Variants in UBAC2 observed in about 807,000 individuals in gnomAD.
UBAC2 encodes UBA domain containing 2, also known as ubiquitin-associated domain-containing protein 2.
In UBAC2, 26 loss-of-function variants were observed where a neutral mutation model predicts 44.0. The observed-to-expected ratio is 0.59, with a 90% CI of 0.43 to 0.82. The LOEUF is 0.82. Among genes scored for constraint, UBAC2 ranks in the 40% least tolerant of loss-of-function variants. UBAC2 has a pLI of 0.00. For missense variants in UBAC2, 329 were observed against 419.4 expected, an observed-to-expected ratio of 0.78 and a Z score of 1.88; for synonymous variants, 155 against 154.3, an observed-to-expected ratio of 1.00 and a Z score of -0.04.
At position 99,357,104 on chromosome 13, in the gene UBAC2, A is replaced by G. The variant is rs540781781; in HGVS notation, c.808-10683A>G. On this transcript the variant is annotated intron_variant, in intron 7 of 8. Coordinates refer to ENST00000403766, the MANE Select transcript of UBAC2 (RefSeq NM_001144072.2). ...AGTGGTCTCATAAGATTATGATGCC[A>G]TATTTTTGCTATGTCTTTTCTATGT... 5.3e-5 allele frequency among the ~76,000 whole-genome samples: 8 copies of G among 152,352 alleles called. No individual in the cohort carries two copies. The East Asian group carries it at 9.6e-4, about 18-fold the overall frequency.
At chr13:99,301,913 T>G (rs1433393427) in intron 4 of UBAC2, among the ~76,000 whole-genome samples, 1 of 152,240 alleles carries the variant, frequency 6.6e-6, no homozygotes, top group Non-Finnish European at 1.5e-5. Flanking sequence ...TAATATTTAT[T>G]TATTTTAATA....
intron 8 of UBAC2, chr13:99,377,123 C>T (rs1181171889): frequency 2.0e-5 from 3 of 152,356 alleles, no homozygotes. Context: ...TTGATCTTCA[C>T]ATTCAGCCTT....
intron 6 of UBAC2, among the ~76,000 whole-genome samples, chr13:99,321,363 T>C (rs1302629229): frequency 1.3e-5 from 2 of 152,154 alleles, no homozygotes; most frequent in Non-Finnish European, 2.9e-5. Flanking sequence ...GGCTGGAGTG[T>C]AGTGGCATGA....
At chr13:99,348,549 T>C (rs2045028518) in intron 7 of UBAC2, among the ~76,000 whole-genome samples, 1 of 152,176 alleles carries the variant, frequency 6.6e-6, no homozygotes, top group South Asian at 2.1e-4. Context: ...ATGAAAGACA[T>C]GGTTGGGAAG....
chr13:99,306,260 G>A (rs955012464), intron 4 of UBAC2, among the ~76,000 whole-genome samples: 3 of 152,162 alleles, frequency 2.0e-5, no homozygotes, highest in South Asian at 2.1e-4. Context: ...TGGTACGTCA[G>A]TGGCCAGAGA....
intron 2 of UBAC2, among the ~76,000 whole-genome samples, chr13:99,241,301 C>G (rs2043297487): frequency 6.7e-6 from 1 of 149,974 alleles, no homozygotes; most frequent in African/African-American, 2.5e-5. Flanking sequence ...GTTACTATTA[C>G]CAATGTTCGC....
In UBAC2 at chr13:99,295,322, G is replaced by C. The variant is rs1409104300; in HGVS notation, c.390-18775G>C. Reference sequence around the variant, plus strand: ...TCTTTGGCTACATTCCAGGAAATTAGAGAAACGAAGCTTCTTAATCATATG... The same window carrying C: ...TCTTTGGCTACATTCCAGGAAATTACAGAAACGAAGCTTCTTAATCATATG... On this transcript the variant is annotated intron_variant, in intron 4 of 8. Transcript: ENST00000403766. This position sits in a 1 kb window ranked among gnomAD's most constrained non-coding sequence, Gnocchi z 4.1. The C allele has an allele frequency of 1.2e-6, 2 of 1,614,098 alleles. No individual in the cohort carries two copies. Among genetic ancestry groups the C allele is most frequent in the South Asian group, 1.1e-5 (1 of 91,064 alleles).
chr13:99,231,964 T>G (rs557002651), intron 1 of UBAC2, among the ~76,000 whole-genome samples: 78 of 152,308 alleles, frequency 5.1e-4, no homozygotes, highest in African/African-American at 5.3e-4. Flanking sequence ...AGAGCTGGTG[T>G]TGTTTTACCA....
chr13:99,360,193 G>C (rs989768473), intron 7 of UBAC2, among the ~76,000 whole-genome samples: 1 of 152,168 alleles, frequency 6.6e-6, no homozygotes, highest in Admixed American at 6.5e-5. Context: ...AATATGTTCA[G>C]GTCTTCCATC....
At chr13:99,306,183 ACCACACCCAGCCTGATTCAG>A (rs2044331710) in intron 4 of UBAC2, among the ~76,000 whole-genome samples, 1 of 152,166 alleles carries the variant, frequency 6.6e-6, no homozygotes. Flanking sequence ...GGAGTGAGCC[ACCACACCCAGCCTGATTCAG>A]GGTCTTTATG....
intron 4 of UBAC2, among the ~76,000 whole-genome samples, chr13:99,257,531 T>C (rs755448856): frequency 3.3e-5 from 5 of 151,812 alleles, no homozygotes; most frequent in Non-Finnish European, 5.9e-5. Context: ...CCAATACTTA[T>C]ATTCATTTGC....
intron 1 of UBAC2, among the ~76,000 whole-genome samples, chr13:99,223,368 C>T (rs368723592): frequency 6.6e-6 from 1 of 151,852 alleles, no homozygotes; most frequent in Non-Finnish European, 1.5e-5. Flanking sequence ...CTCTTTTTGT[C>T]CTGATCATTT....
At chr13:99,206,756 C>T (rs2042877015) in intron 1 of UBAC2, among the ~76,000 whole-genome samples, 1 of 152,194 alleles carries the variant, frequency 6.6e-6, no homozygotes, top group Admixed American at 6.5e-5. Flanking sequence ...TTCTGGGATT[C>T]AGTCATCTCC....
At chr13:99,250,050 A>G (rs1382321199) in intron 4 of UBAC2, among the ~76,000 whole-genome samples, 1 of 152,132 alleles carries the variant, frequency 6.6e-6, no homozygotes, top group Non-Finnish European at 1.5e-5. Flanking sequence ...GCTGTGCAGA[A>G]GCTCTTTAGT....
At chr13:99,356,538 A>C (rs1466657752) in intron 7 of UBAC2, among the ~76,000 whole-genome samples, 1 of 152,258 alleles carries the variant, frequency 6.6e-6, no homozygotes, top group African/African-American at 2.4e-5. Flanking sequence ...AACACTGGTC[A>C]CTGTGAGAAA....
At chr13:99,379,680 C>T (rs2045525171) in intron 8 of UBAC2, among the ~76,000 whole-genome samples, 1 of 152,178 alleles carries the variant, frequency 6.6e-6, no homozygotes, top group Non-Finnish European at 1.5e-5. Context: ...TCACTTTTAG[C>T]ACAGAACTTC....
At chr13:99,249,036 AC>A (rs2043424755) in intron 4 of UBAC2, among the ~76,000 whole-genome samples, 1 of 152,010 alleles carries the variant, frequency 6.6e-6, no homozygotes, top group Admixed American at 6.6e-5. Flanking sequence ...TGAAATTTCA[AC>A]TTTCAGATTC....
intron 1 of UBAC2, among the ~76,000 whole-genome samples, chr13:99,237,575 C>T (rs943104368): frequency 6.6e-6 from 1 of 152,106 alleles, no homozygotes; most frequent in African/African-American, 2.4e-5. Context: ...AGGTCAGGAG[C>T]GTGTCTGTAG....
intron 4 of UBAC2, among the ~76,000 whole-genome samples, chr13:99,271,351 A>G (rs1347906066): frequency 1.3e-5 from 2 of 152,176 alleles, no homozygotes; most frequent in Non-Finnish European, 2.9e-5. Context: ...AGTATTCCAG[A>G]TATCAGAGAC....
Sources: allele counts gnomAD v4.1 joint callset (sites outside exome capture counted in the v4.1 genomes callset), GRCh38; gene constraint gnomAD v4.1.1; non-coding constraint Gnocchi (gnomAD v3.1); transcripts MANE v1.5; gene names NCBI Gene and HGNC (gene_info 2026-07-23, HGNC 2026-07-21).